The following HSPG2 variants were observed in gnomAD, a reference collection of about 807,000 sequenced individuals.
The protein encoded by HSPG2 is basement membrane-specific heparan sulfate proteoglycan core protein.
A neutral mutation model predicts 526.6 loss-of-function variants in HSPG2; 278 were observed. That is an observed-to-expected ratio of 0.53 (90% CI 0.48 to 0.58). The LOEUF (loss-of-function observed/expected upper bound fraction) is 0.58, where lower values mean the gene tolerates loss of function less well. Among genes scored for constraint, HSPG2 ranks in the 20% least tolerant of loss-of-function variants. The pLI, the probability that HSPG2 is intolerant of heterozygous loss-of-function variation, is 0.00. For missense variants in HSPG2, 5,354 were observed against 6,099.5 expected, an observed-to-expected ratio of 0.88 and a Z score of 4.07; for synonymous variants, 2,465 against 2,555.4, an observed-to-expected ratio of 0.96 and a Z score of 1.07.
chr1:21,823,751 C>T (rs373098783), intron 95 of HSPG2, 32 bp from the exon 96 acceptor site: 1 of 1,575,316 alleles, frequency 6.3e-7, no homozygotes. Flanking sequence ...CCCCTTTCCA[C>T]AAACTTCCTG....
In HSPG2 at chr1:21,873,941, C is replaced by T. The variant is rs1426452441; in HGVS notation, c.3727G>A (p.Gly1243Arg). Residue 1243 changes from glycine (G) to arginine (R), a missense_variant, in exon 29 of 97, where the codon GGG becomes AGG. Coordinates refer to ENST00000374695, the MANE Select transcript of HSPG2 (RefSeq NM_005529.7). ...CTGCCTCACCTCTCACAGTGACGCC[C>T]ACTGTGGCCTGGGGAGCACGCATCA... is the stretch of plus-strand genomic sequence containing the variant. ...TCDACSPGHS[G>R]RHCERCAPGY... The T allele has an allele frequency of 1.3e-6, 2 of 1,597,836 alleles. No homozygotes were observed. Among genetic ancestry groups the T allele is most frequent in the East Asian group, 2.3e-5 (1 of 44,332 alleles).
rs1180205758 is a variant in HSPG2, at chr1:21,824,682, G to A, written c.12665+22C>T. The A allele has an allele frequency of 1.9e-6, 3 of 1,612,976 alleles. No homozygotes were observed. In the South Asian group the frequency reaches 3.3e-5, roughly 18 times the overall value. ...CCCATCCTCCCCATTAGGCCCATGG[G>A]CCCTTCCAATGCCAGTCTCACCTCC... On this transcript the variant is annotated intron_variant, in intron 92 of 96. Coordinates refer to ENST00000374695, the MANE Select transcript of HSPG2 (RefSeq NM_005529.7). The surrounding 1 kb of genome is among the most constrained non-coding windows in gnomAD (Gnocchi z 5.9).
intron 76 of HSPG2, 77 bp downstream of exon 76, chr1:21,835,463 G>T: frequency 1.1e-6 from 1 of 925,146 alleles, no homozygotes; most frequent in Non-Finnish European, 1.8e-6. Context: ...TAGGGAACAG[G>T]GTCTGGGCCT....
rs1869780 is a variant in HSPG2 at position 21,895,962 on chromosome 1, G to T, written c.204C>A (p.Asp68Glu). The T allele has an allele frequency of 1.5e-3, 2,500 of 1,614,084 alleles. 16 individuals carry two copies. The highest frequency in any genetic ancestry group is 0.014 in the East Asian group (633 of 44,874). ...CGCTGCCCAGGTCCCCACTGCCCAG[G>T]TCGTCTATAAGCAAAAAAGAGATGT... is the stretch of plus-strand genomic sequence containing the variant. ...DMLADSISGDDLGSGDLGSGD... is the reference protein window; with the variant it reads ...DMLADSISGDELGSGDLGSGD... The change falls in exon 3 of 97, where the codon GAC becomes GAA. Residue 68 changes from aspartate to glutamate, a missense_variant. Asp to Glu is a conservative substitution (Grantham distance 45, BLOSUM62 2). Coordinates refer to ENST00000374695, the MANE Select transcript of HSPG2 (RefSeq NM_005529.7). This position sits in a 1 kb window ranked among gnomAD's most constrained non-coding sequence, Gnocchi z 4.1.
intron 91 of HSPG2, among the ~76,000 whole-genome samples, chr1:21,827,339 G>A (rs191279143): frequency 1.3e-5 from 2 of 152,320 alleles, no homozygotes; most frequent in Admixed American, 6.5e-5. Flanking sequence ...TCCACAGCTA[G>A]TAAGTGGGAG....
chr1:21,926,129 C>G (rs889653187), intron 1 of HSPG2, among the ~76,000 whole-genome samples: 1 of 152,160 alleles, frequency 6.6e-6, no homozygotes, highest in East Asian at 1.9e-4. Flanking sequence ...GCCCCCAACT[C>G]CCCCTCCTGA....
Position 21,887,573 on chromosome 1 carries a change from T to TA in HSPG2, c.804_805insT (p.Thr269TyrfsTer48), listed in dbSNP as rs1309369662. On this transcript the variant is annotated frameshift_variant, in exon 8 of 97. Transcript: ENST00000374695. LOFTEE classifies it high-confidence loss of function. This position sits in a 1 kb window ranked among gnomAD's most constrained non-coding sequence, Gnocchi z 5.0. ...GGAAGCAGGGGCTGAGGAGCGTGGG[T>TA]GACTGGTGGCTGTCGCATGATGGTT... 1.9e-6 allele frequency: 3 copies of TA among 1,613,942 alleles called. No homozygotes were observed.
In HSPG2 at chr1:21,858,032, A is replaced by G. The variant is rs1639479970; in HGVS notation, c.5294-647T>C. Among the ~76,000 whole-genome samples the G allele has an allele frequency of 6.6e-6, 1 of 151,992 alleles. No individual in the cohort carries two copies. Among genetic ancestry groups the G allele is most frequent in the African/African-American group, 2.4e-5 (1 of 41,362 alleles). Reference sequence around the variant, plus strand: ...TCCAGAGTGCATTCTAGGATTTCCCATTTCCGAAAACTCCCCCTTGACCTC... The same window carrying G: ...TCCAGAGTGCATTCTAGGATTTCCCGTTTCCGAAAACTCCCCCTTGACCTC... On this transcript the variant is annotated intron_variant, in intron 42 of 96. Coordinates refer to ENST00000374695, the MANE Select transcript of HSPG2 (RefSeq NM_005529.7). The surrounding 1 kb of genome is among the most constrained non-coding windows in gnomAD (Gnocchi z 4.2).
intron 39 of HSPG2, 30 bp downstream of exon 39, chr1:21,861,727 C>T: frequency 2.5e-6 from 4 of 1,602,728 alleles, no homozygotes; most frequent in East Asian, 2.2e-5. Context: ...TTGTCCTCCA[C>T]CCTCCCCCTA....
intron 44 of HSPG2, among the ~76,000 whole-genome samples, chr1:21,856,478 C>T (rs1046877796): frequency 2.4e-4 from 37 of 152,206 alleles, no homozygotes; most frequent in African/African-American, 7.7e-4. Context: ...AGTGCAGTGG[C>T]GCGATCTCGG....
In HSPG2 at chr1:21,865,465, C is replaced by CA. The variant is rs1459009085; in HGVS notation, c.4315-101dup. 3.5e-6 allele frequency: 4 copies of CA among 1,148,624 alleles called. No homozygotes were observed. Among genetic ancestry groups the CA allele is most frequent in the Non-Finnish European group, 5.2e-6 (4 of 764,894 alleles). The allele number at this position is 1,148,624 out of a possible 1,614,324, so 71.2% of individuals were successfully genotyped here. On this transcript the variant is annotated intron_variant, in intron 34 of 96. Coordinates refer to ENST00000374695, the MANE Select transcript of HSPG2 (RefSeq NM_005529.7). This position sits in a 1 kb window ranked among gnomAD's most constrained non-coding sequence, Gnocchi z 5.4. Reference sequence around the variant, plus strand: ...AGATTCTCTGTAACCCCCAGCCTCCCACCTCTCTGCTCTCCCAAGCTCATG... The same window carrying CA: ...AGATTCTCTGTAACCCCCAGCCTCCCAACCTCTCTGCTCTCCCAAGCTCATG...
chr1:21,841,890 C>A, intron 69 of HSPG2, 112 bp downstream of exon 69: 1 of 1,472,960 alleles, frequency 6.8e-7, no homozygotes, highest in Non-Finnish European at 9.4e-7. Context: ...TTACTCAGGG[C>A]CACACCATGA....
At position 21,908,391 on chromosome 1, in the gene HSPG2, C is replaced by T. The variant is rs6685818; in HGVS notation, c.64-12081G>A. The T allele has an allele frequency of 3.2e-4, 342 of 1,055,630 alleles. No individual in the cohort carries two copies. In the African/African-American group the frequency reaches 4.9e-3, roughly 15 times the overall value. 65.4% of individuals were successfully genotyped at this position (1,055,630 alleles called of 1,614,324 possible). A position where few individuals can be genotyped will look rare whatever the true frequency, so the allele number is the denominator to read the frequency against. ...ATGTGCGTATTGAGCACATTAAGCA[C>T]TCTGAGAGCCGAGATAGCTTCCTGA... is the stretch of plus-strand genomic sequence containing the variant. On this transcript the variant is annotated intron_variant, in intron 1 of 96. Coordinates refer to ENST00000374695, the MANE Select transcript of HSPG2 (RefSeq NM_005529.7).
intron 29 of HSPG2, 84 bp from the exon 30 acceptor site, chr1:21,873,508 C>G (rs1315399206): frequency 2.4e-6 from 3 of 1,269,644 alleles, no homozygotes; most frequent in Middle Eastern, 1.9e-4. Flanking sequence ...ATATTGAATT[C>G]AATGGCCTCA....
intron 48 of HSPG2, 31 bp from the exon 49 acceptor site, chr1:21,854,796 A>T (rs780567012): frequency 9.7e-5 from 157 of 1,612,990 alleles, no homozygotes; most frequent in Non-Finnish European, 1.3e-4. Flanking sequence ...AGCAGGCCCC[A>T]GGGGAGCCCT....
intron 6 of HSPG2, 35 bp from the exon 7 acceptor site, chr1:21,888,101 G>A: frequency 6.2e-7 from 1 of 1,612,696 alleles, no homozygotes; most frequent in Non-Finnish European, 8.5e-7. Context: ...GGAGTCAGAG[G>A]CGGCAGGAGG....
rs1406826233 is a variant in HSPG2, at chr1:21,828,715, C to T, written c.12237+120G>A. 23 of 1,414,252 alleles carry T rather than the reference C, an allele frequency of 1.6e-5. No individual in the cohort carries two copies. The highest frequency in any genetic ancestry group is 2.0e-5 in the Non-Finnish European group (21 of 1,032,644). 87.6% of individuals were successfully genotyped at this position (1,414,252 alleles called of 1,614,324 possible). A position where few individuals can be genotyped will look rare whatever the true frequency, so the allele number is the denominator to read the frequency against. On this transcript the variant is annotated intron_variant, in intron 88 of 96. Transcript: ENST00000374695. The surrounding 1 kb of genome is among the most constrained non-coding windows in gnomAD (Gnocchi z 6.0). Reference sequence around the variant, plus strand: ...GAGGCTCAGAGGTACAGTGTCCTGGCCCAGGGCCCGTGGGTGGCTGCAGGT... The same window carrying T: ...GAGGCTCAGAGGTACAGTGTCCTGGTCCAGGGCCCGTGGGTGGCTGCAGGT...
In HSPG2 at chr1:21,839,789, CTGCCAGCCCTATG is replaced by C. The variant is rs753885307; in HGVS notation, c.9709+20_9709+32del. The stretch of plus-strand genomic sequence containing the variant: ...TTTCAGACCCCAGGGCATCCCTGCC[CTGCCAGCCCTATG>C]TGCCAGCCCTTGGTCACACCTGTGG... On this transcript the variant is annotated intron_variant, in intron 72 of 96. Coordinates refer to ENST00000374695, the MANE Select transcript of HSPG2 (RefSeq NM_005529.7). The surrounding 1 kb of genome is among the most constrained non-coding windows in gnomAD (Gnocchi z 4.5). 10 of 1,609,136 alleles carry C rather than the reference CTGCCAGCCCTATG, an allele frequency of 6.2e-6. No homozygotes were observed. The highest frequency in any genetic ancestry group is 7.6e-6 in the Non-Finnish European group (9 of 1,178,214).
At chr1:21,871,135 A>G (rs527432343) in intron 33 of HSPG2, among the ~76,000 whole-genome samples, 8 of 150,628 alleles carry the variant, frequency 5.3e-5, no homozygotes, top group Non-Finnish European at 8.9e-5. Context: ...CCCAGAGCCC[A>G]CCCCTGAGCC....
Sources: allele counts gnomAD v4.1 joint callset (sites outside exome capture counted in the v4.1 genomes callset), GRCh38; gene constraint gnomAD v4.1.1; non-coding constraint Gnocchi (gnomAD v3.1); transcripts MANE v1.5; gene names NCBI Gene and HGNC (gene_info 2026-07-23, HGNC 2026-07-21).